The following PRKN variants were observed in gnomAD, a reference collection of about 807,000 sequenced individuals.
The protein encoded by PRKN is E3 ubiquitin-protein ligase parkin.
A neutral mutation model predicts 59.5 loss-of-function variants in PRKN; 56 were observed. The ratio of observed to expected loss-of-function variants is 0.94; its 90% CI spans 0.76 to 1.18. The LOEUF (loss-of-function observed/expected upper bound fraction) is 1.18, where lower values mean the gene tolerates loss of function less well. Ranked by LOEUF, PRKN falls within the 50% of genes most tolerant of loss-of-function variation. The probability of loss-of-function intolerance (pLI) is 0.00; values close to 1 mark genes in which losing one functional copy is unlikely to be tolerated. For missense variants in PRKN, 657 were observed against 596.4 expected, an observed-to-expected ratio of 1.10 and a Z score of -1.06; for synonymous variants, 250 against 222.1, an observed-to-expected ratio of 1.13 and a Z score of -1.12.
chr6:162,615,725 C>T (rs1667991595), intron 1 of PRKN, among the ~76,000 whole-genome samples: 1 of 152,184 alleles, frequency 6.6e-6, no homozygotes, highest in Non-Finnish European at 1.5e-5. Context: ...TTGAGATCTG[C>T]TTTACAGGAA....
At chr6:161,812,012 C>A (rs1393904144) in intron 6 of PRKN, among the ~76,000 whole-genome samples, 4 of 151,688 alleles carry the variant, frequency 2.6e-5, no homozygotes, top group Non-Finnish European at 5.9e-5. Flanking sequence ...AGCAAGACAA[C>A]AATTTCTAGA....
At chr6:161,985,984 C>T (rs1781422490) in intron 5 of PRKN, among the ~76,000 whole-genome samples, 2 of 152,318 alleles carry the variant, frequency 1.3e-5, no homozygotes, top group South Asian at 2.1e-4. Context: ...CTTCCTTGAT[C>T]CTGTCCCTGT....
chr6:162,564,742 T>C (rs950950144), intron 1 of PRKN, among the ~76,000 whole-genome samples: 6 of 152,116 alleles, frequency 3.9e-5, no homozygotes, highest in Non-Finnish European at 8.8e-5. Context: ...CTTATAATAG[T>C]GTATCTGGCA....
At chr6:162,539,093 G>A (rs1778826612) in intron 1 of PRKN, among the ~76,000 whole-genome samples, 1 of 152,000 alleles carries the variant, frequency 6.6e-6, no homozygotes, top group Non-Finnish European at 1.5e-5. Flanking sequence ...TAGAAACCAG[G>A]GGACATATTA....
intron 4 of PRKN, among the ~76,000 whole-genome samples, chr6:162,089,490 C>A (rs751499344): frequency 6.6e-5 from 10 of 152,140 alleles, no homozygotes; most frequent in Non-Finnish European, 1.5e-4. Flanking sequence ...TAAAGAGTGG[C>A]ATACCTTAAA....
At chr6:162,162,286 G>C (rs1395483246) in intron 4 of PRKN, among the ~76,000 whole-genome samples, 1 of 152,114 alleles carries the variant, frequency 6.6e-6, no homozygotes, top group African/African-American at 2.4e-5. Flanking sequence ...CATTTAAATT[G>C]TATTAGGTAA....
At chr6:162,596,832 CA>C (rs753031161) in intron 1 of PRKN, among the ~76,000 whole-genome samples, 1 of 152,064 alleles carries the variant, frequency 6.6e-6, no homozygotes, top group African/African-American at 2.4e-5. Flanking sequence ...TTATTTCTAC[CA>C]GGGGCCCAGA....
At chr6:162,171,997 T>G (rs1440740188) in intron 4 of PRKN, among the ~76,000 whole-genome samples, 1 of 152,162 alleles carries the variant, frequency 6.6e-6, no homozygotes, top group Non-Finnish European at 1.5e-5. Context: ...ACACTAATAT[T>G]CTTAATTCTC....
intron 8 of PRKN, among the ~76,000 whole-genome samples, chr6:161,565,458 T>C (rs1259394941): frequency 3.3e-5 from 5 of 152,018 alleles, no homozygotes; most frequent in African/African-American, 1.2e-4. Context: ...GGACCAAGGG[T>C]GGAAGTGATT....
At chr6:161,672,143 A>G (rs1784932969) in intron 7 of PRKN, among the ~76,000 whole-genome samples, 1 of 152,216 alleles carries the variant, frequency 6.6e-6, no homozygotes, top group Non-Finnish European at 1.5e-5. Context: ...ATGAGTAACA[A>G]TGGACCACCC....
At chr6:162,576,857 A>G (rs1250958163) in intron 1 of PRKN, among the ~76,000 whole-genome samples, 1 of 151,384 alleles carries the variant, frequency 6.6e-6, no homozygotes, top group Non-Finnish European at 1.5e-5. Context: ...TACATTTTGA[A>G]TAAAAGACGA....
chr6:162,329,580 G>T (rs1237022139), intron 2 of PRKN, among the ~76,000 whole-genome samples: 1 of 152,036 alleles, frequency 6.6e-6, no homozygotes, highest in African/African-American at 2.4e-5. Flanking sequence ...TTTTATGCAT[G>T]AAATTTATCT....
intron 3 of PRKN, among the ~76,000 whole-genome samples, chr6:162,224,506 C>CAA (rs1227075949): frequency 6.6e-6 from 1 of 152,150 alleles, no homozygotes; most frequent in African/African-American, 2.4e-5. Flanking sequence ...GCATCCCCCT[C>CAA]AAAAAGTGAC....
intron 7 of PRKN, among the ~76,000 whole-genome samples, chr6:161,680,533 G>A (rs905082805): frequency 1.2e-4 from 18 of 151,734 alleles, no homozygotes; most frequent in African/African-American, 4.1e-4. Flanking sequence ...TGAGCATGCT[G>A]CTGAATGTTA....
rs369404858 is a variant in PRKN, at chr6:161,497,577, T to TCTCTCTCTCACACACACA, written c.1083+51276_1083+51277insTGTGTGTGTGAGAGAGAG. Among the ~76,000 whole-genome samples the TCTCTCTCTCACACACACA allele has an allele frequency of 1.4e-5, 2 of 147,388 alleles. No individual in the cohort carries two copies. Among genetic ancestry groups the TCTCTCTCTCACACACACA allele is most frequent in the African/African-American group, 5.0e-5 (2 of 39,682 alleles). The stretch of plus-strand genomic sequence containing the variant: ...ATGTCTCTCTCTCTCTCTCTCTCTC[T>TCTCTCTCTCACACACACA]CACACACACACACACACACACCATA... On this transcript the variant is annotated intron_variant, in intron 9 of 11. Coordinates refer to ENST00000366898, the MANE Select transcript of PRKN (RefSeq NM_004562.3). The surrounding 1 kb of genome is among the most constrained non-coding windows in gnomAD (Gnocchi z 4.6).
At chr6:161,542,098 G>T (rs181886144) in intron 9 of PRKN, among the ~76,000 whole-genome samples, 1 of 152,058 alleles carries the variant, frequency 6.6e-6, no homozygotes, top group Non-Finnish European at 1.5e-5. Flanking sequence ...CCTTTATGGC[G>T]ATCTACTTCC....
intron 7 of PRKN, among the ~76,000 whole-genome samples, chr6:161,610,289 G>A (rs993953199): frequency 2.6e-5 from 4 of 152,020 alleles, no homozygotes; most frequent in African/African-American, 4.8e-5. Context: ...TGGGATGTCC[G>A]CGAGCTGCTT....
intron 1 of PRKN, among the ~76,000 whole-genome samples, chr6:162,468,622 G>A (rs1562787196): frequency 2.6e-5 from 4 of 152,198 alleles, no homozygotes; most frequent in Admixed American, 2.0e-4. Flanking sequence ...TTTGGTACTA[G>A]AGAGTGGTTA....
At chr6:161,716,258 A>G (rs978593119) in intron 7 of PRKN, 15 of 475,478 alleles carry the variant, frequency 3.2e-5, no homozygotes, top group Non-Finnish European at 5.1e-5. Context: ...GCTGATAAAG[A>G]ATTCAGAAAT....
Sources: allele counts gnomAD v4.1 joint callset (sites outside exome capture counted in the v4.1 genomes callset), GRCh38; gene constraint gnomAD v4.1.1; non-coding constraint Gnocchi (gnomAD v3.1); transcripts MANE v1.5; gene names NCBI Gene and HGNC (gene_info 2026-07-23, HGNC 2026-07-21).